The following CLASP2 variants were observed in gnomAD, a reference collection of about 807,000 sequenced individuals.
The protein encoded by CLASP2 is CLIP-associating protein 2.
Under a neutral mutation model 194.4 loss-of-function variants are expected in CLASP2, and 47 were observed. The observed-to-expected ratio is 0.24, with a 90% CI of 0.19 to 0.31. The LOEUF is 0.31. Ranked by LOEUF, CLASP2 falls within the 10% of genes least tolerant of loss-of-function variation. The probability of loss-of-function intolerance (pLI) is 1.00; values close to 1 mark genes in which losing one functional copy is unlikely to be tolerated. For synonymous variants in CLASP2, 619 were observed against 633.5 expected (o/e 0.98, Z 0.34); for missense variants, 1,445 against 1,823.6 (o/e 0.79, Z 3.78).
At chr3:33,616,079 A>C (rs778136064) in intron 12 of CLASP2, among the ~76,000 whole-genome samples, 6 of 152,078 alleles carry the variant, frequency 3.9e-5, no homozygotes, top group Non-Finnish European at 7.4e-5. Flanking sequence ...AAATTAAATA[A>C]TCTCACTACA....
chr3:33,600,877 T>C (rs2071905196), intron 18 of CLASP2, among the ~76,000 whole-genome samples: 1 of 151,748 alleles, frequency 6.6e-6, no homozygotes, highest in South Asian at 2.1e-4. Flanking sequence ...GATTTAAAAA[T>C]GCTTCATGGA....
At chr3:33,561,691 A>G (rs1277854283) in intron 27 of CLASP2, among the ~76,000 whole-genome samples, 1 of 152,174 alleles carries the variant, frequency 6.6e-6, no homozygotes, top group Non-Finnish European at 1.5e-5. Context: ...TAAGGTAGAA[A>G]AAAATTATTA....
chr3:33,528,653 T>C (rs1337751832), intron 34 of CLASP2, among the ~76,000 whole-genome samples: 1 of 152,030 alleles, frequency 6.6e-6, no homozygotes, highest in Non-Finnish European at 1.5e-5. Context: ...TCCCAGCTAC[T>C]TGGGAGGTTG....
At chr3:33,587,759 T>G (rs2067740268) in intron 21 of CLASP2, among the ~76,000 whole-genome samples, 1 of 152,210 alleles carries the variant, frequency 6.6e-6, no homozygotes. Context: ...CTCCATGCAG[T>G]GTCTAAACTG....
At chr3:33,534,443 C>T (rs376151075) in intron 34 of CLASP2, among the ~76,000 whole-genome samples, 105 of 151,852 alleles carry the variant, frequency 6.9e-4, no homozygotes, top group Non-Finnish European at 1.4e-3. Context: ...TATGGTGGTC[C>T]GTAGTCCCAG....
At chr3:33,653,399 TG>T (rs1336948285) in intron 7 of CLASP2, among the ~76,000 whole-genome samples, 2 of 152,072 alleles carry the variant, frequency 1.3e-5, no homozygotes, top group Non-Finnish European at 2.9e-5. Flanking sequence ...ATTTAACAGA[TG>T]TTTTTTTCTT....
At chr3:33,645,119 TCTTA>T (rs1405626841) in intron 7 of CLASP2, 9 of 669,712 alleles carry the variant, frequency 1.3e-5, no homozygotes, top group Middle Eastern at 2.4e-4. Context: ...TTTTCATACT[TCTTA>T]CTTATACATA....
chr3:33,696,802 A>C (rs2091961336), intron 2 of CLASP2, 53 bp downstream of exon 2: 2 of 1,172,640 alleles, frequency 1.7e-6, no homozygotes, highest in African/African-American at 3.1e-5. Flanking sequence ...CTAACGAAAA[A>C]AGTCATCATG....
At chr3:33,597,065 A>G (rs1300671230) in intron 18 of CLASP2, among the ~76,000 whole-genome samples, 2 of 152,128 alleles carry the variant, frequency 1.3e-5, no homozygotes, top group Non-Finnish European at 2.9e-5. Flanking sequence ...TTTTTCCCAG[A>G]CAGTCACATT....
chr3:33,663,115 A>G (rs1043625265), intron 7 of CLASP2, among the ~76,000 whole-genome samples: 1 of 151,706 alleles, frequency 6.6e-6, no homozygotes, highest in Admixed American at 6.6e-5. Context: ...AGGTATAAAA[A>G]CACATTGTAT....
intron 21 of CLASP2, chr3:33,588,735 A>T (rs762411219): frequency 1.4e-6 from 1 of 702,392 alleles, no homozygotes; most frequent in South Asian, 1.5e-5. Context: ...TGTGATCCTG[A>T]ACAAGTGTAA....
intron 8 of CLASP2, among the ~76,000 whole-genome samples, chr3:33,643,093 A>G (rs1032199261): frequency 1.3e-5 from 2 of 151,900 alleles, no homozygotes; most frequent in Non-Finnish European, 2.9e-5. Context: ...GAGCTTAAGA[A>G]AGTTTATCCT....
chr3:33,559,153 T>A (rs1309756344), intron 29 of CLASP2, 154 bp downstream of exon 29: 1 of 699,882 alleles, frequency 1.4e-6, no homozygotes, highest in Non-Finnish European at 2.6e-6. Flanking sequence ...GTGAAGCTGG[T>A]CCCGAAGTGC....
intron 1 of CLASP2, among the ~76,000 whole-genome samples, chr3:33,698,108 G>T (rs988359450): frequency 1.3e-5 from 2 of 152,274 alleles, no homozygotes; most frequent in South Asian, 4.1e-4. Flanking sequence ...GTACAGTCCT[G>T]GGGGAAGGAA....
At chr3:33,711,122 G>T (rs2092982390) in intron 1 of CLASP2, among the ~76,000 whole-genome samples, 1 of 152,010 alleles carries the variant, frequency 6.6e-6, no homozygotes, top group Admixed American at 6.5e-5. Context: ...CAGCATTAAG[G>T]GCCCATATAA....
At chr3:33,686,146 C>A (rs981498275) in intron 5 of CLASP2, among the ~76,000 whole-genome samples, 8 of 152,088 alleles carry the variant, frequency 5.3e-5, no homozygotes, top group African/African-American at 1.7e-4. Flanking sequence ...GTCTTCAGAG[C>A]AGGTAGGATC....
chr3:33,553,964 C>G (rs1473019075), intron 29 of CLASP2, among the ~76,000 whole-genome samples: 3 of 152,138 alleles, frequency 2.0e-5, no homozygotes, highest in Non-Finnish European at 4.4e-5. Context: ...CAGTGGCTCA[C>G]GCCTGTAATC....
At chr3:33,590,584 A>G (rs2068530706) in intron 21 of CLASP2, among the ~76,000 whole-genome samples, 1 of 152,216 alleles carries the variant, frequency 6.6e-6, no homozygotes, top group Non-Finnish European at 1.5e-5. Context: ...CTACTGATTT[A>G]GTTGAGATAA....
intron 33 of CLASP2, 99 bp from the exon 34 acceptor site, chr3:33,535,560 T>C (rs901256379): frequency 2.1e-6 from 2 of 940,048 alleles, no homozygotes; most frequent in Non-Finnish European, 3.1e-6. Flanking sequence ...AAAGACAATT[T>C]TAAAAAGATA....
Sources: allele counts gnomAD v4.1 joint callset (sites outside exome capture counted in the v4.1 genomes callset), GRCh38; gene constraint gnomAD v4.1.1; transcripts MANE v1.5; gene names NCBI Gene and HGNC (gene_info 2026-07-23, HGNC 2026-07-21).